The following TAFA2 variants were observed in gnomAD, a reference collection of about 807,000 sequenced individuals.
TAFA2 encodes TAFA chemokine like family member 2, also known as chemokine-like protein TAFA-2.
In TAFA2, 7 loss-of-function variants were observed where a neutral mutation model predicts 18.8. The ratio of observed to expected loss-of-function variants is 0.37; its 90% confidence interval spans 0.21 to 0.70. The LOEUF (loss-of-function observed/expected upper bound fraction) is 0.70, where lower values mean the gene tolerates loss of function less well. TAFA2 is among the 30% of genes least tolerant of loss of function. The probability of loss-of-function intolerance (pLI) is 0.53; values close to 1 mark genes in which losing one functional copy is unlikely to be tolerated. For missense variants in TAFA2, 122 were observed against 158.1 expected, an observed-to-expected ratio of 0.77 and a Z score of 1.23; for synonymous variants, 60 against 54.2, an observed-to-expected ratio of 1.11 and a Z score of -0.47.
At chr12:62,178,509 G>T (rs1249363148) in intron 1 of TAFA2, among the ~76,000 whole-genome samples, 1 of 152,184 alleles carries the variant, frequency 6.6e-6, no homozygotes, top group African/African-American at 2.4e-5. Context: ...AAACTCACAA[G>T]TTAGTCTACC....
intron 1 of TAFA2, among the ~76,000 whole-genome samples, chr12:61,918,320 C>T (rs80063690): frequency 0.068 from 10,411 of 152,174 alleles, 473 homozygotes; most frequent in Non-Finnish European, 0.1. Context: ...CCCCAACTAC[C>T]CTTCCCAGCC....
chr12:62,236,555 G>A (rs758670835), intron 1 of TAFA2, among the ~76,000 whole-genome samples: 3 of 152,104 alleles, frequency 2.0e-5, no homozygotes, highest in Admixed American at 6.5e-5. Flanking sequence ...GTGAGCCACC[G>A]CACCCAGCCC....
At chr12:62,171,002 G>A (rs1428039793) in intron 1 of TAFA2, among the ~76,000 whole-genome samples, 1 of 151,930 alleles carries the variant, frequency 6.6e-6, no homozygotes, top group African/African-American at 2.4e-5. Context: ...CCATAGTTTA[G>A]GACAAATAAG....
At chr12:62,017,947 C>T (rs1473334007) in intron 1 of TAFA2, among the ~76,000 whole-genome samples, 1 of 152,158 alleles carries the variant, frequency 6.6e-6, no homozygotes, top group Non-Finnish European at 1.5e-5. Flanking sequence ...GCTTCTTATT[C>T]ATCTCCCATG....
chr12:62,092,303 C>A (rs983493730), intron 1 of TAFA2, among the ~76,000 whole-genome samples: 1 of 151,830 alleles, frequency 6.6e-6, no homozygotes, highest in African/African-American at 2.4e-5. Flanking sequence ...CCCCCTGTAA[C>A]TTCATCTTCT....
intron 1 of TAFA2, among the ~76,000 whole-genome samples, chr12:62,179,246 T>C (rs1476327242): frequency 3.3e-5 from 5 of 152,314 alleles, no homozygotes; most frequent in East Asian, 1.9e-4. Flanking sequence ...TGAAGAATTA[T>C]GACACATTCC....
At chr12:61,903,996 T>A (rs1876231393) in intron 1 of TAFA2, among the ~76,000 whole-genome samples, 1 of 152,314 alleles carries the variant, frequency 6.6e-6, no homozygotes, top group Non-Finnish European at 1.5e-5. Flanking sequence ...AGATCTATCA[T>A]CTGAAATTAC....
intron 1 of TAFA2, among the ~76,000 whole-genome samples, chr12:62,210,697 C>T (rs2062709776): frequency 6.6e-6 from 1 of 152,018 alleles, no homozygotes. Context: ...TGAAAATGAG[C>T]AGCCAAATTT....
Position 61,708,548 on chromosome 12 carries a change from GAT to G in TAFA2, c.*1856_*1857del, listed in dbSNP as rs1869247355. 1 of 151,902 alleles carries G rather than the reference GAT, an allele frequency of 6.6e-6. No homozygotes were observed. The highest frequency in any genetic ancestry group is 6.6e-5 in the Admixed American group (1 of 15,230). The allele number at this position is 151,902 out of a possible 1,614,324, so 9.4% of individuals were successfully genotyped here. A position where few individuals can be genotyped will look rare whatever the true frequency, so the allele number is the denominator to read the frequency against. The stretch of plus-strand genomic sequence containing the variant: ...TTCACTTGGTTACAAAGAAATTAAT[GAT>G]ATTCTAATTGATGCAGAAACCCCAG... On this transcript the variant is annotated 3_prime_UTR_variant, in exon 5 of 5. Coordinates refer to ENST00000416284, the MANE Select transcript of TAFA2 (RefSeq NM_178539.5).
At chr12:61,812,369 C>G (rs77955128) in intron 2 of TAFA2, among the ~76,000 whole-genome samples, 7,198 of 151,350 alleles carry the variant, frequency 0.048, 872 homozygotes, top group African/African-American at 0.17. Flanking sequence ...CATGCCATTG[C>G]TCTGCTCCCA....
At chr12:61,992,376 C>T (rs149111883) in intron 1 of TAFA2, among the ~76,000 whole-genome samples, 2 of 152,264 alleles carry the variant, frequency 1.3e-5, no homozygotes, top group East Asian at 3.9e-4. Context: ...AATCCATAGG[C>T]TTATAGTAAA....
chr12:62,025,471 T>A (rs1448480898), intron 1 of TAFA2, among the ~76,000 whole-genome samples: 1 of 152,008 alleles, frequency 6.6e-6, no homozygotes, highest in Admixed American at 6.6e-5. Flanking sequence ...CGAGAAAAAA[T>A]TCTGATTTCT....
chr12:62,173,034 C>T (rs1212197368), intron 1 of TAFA2, among the ~76,000 whole-genome samples: 1 of 152,036 alleles, frequency 6.6e-6, no homozygotes, highest in Non-Finnish European at 1.5e-5. Flanking sequence ...TATTAAGGTT[C>T]CTAACTCAAG....
intron 1 of TAFA2, among the ~76,000 whole-genome samples, chr12:62,074,698 ATTTTT>A (rs67195424): frequency 7.3e-6 from 1 of 137,656 alleles, no homozygotes; most frequent in African/African-American, 2.8e-5. Flanking sequence ...AACTACATGA[ATTTTT>A]TTTTTTTTTT....
At chr12:62,111,440 G>A (rs1869725006) in intron 1 of TAFA2, among the ~76,000 whole-genome samples, 1 of 152,186 alleles carries the variant, frequency 6.6e-6, no homozygotes, top group Admixed American at 6.5e-5. Context: ...ATACAATGTG[G>A]TGCTGAGAAG....
intron 2 of TAFA2, among the ~76,000 whole-genome samples, chr12:61,802,964 A>AT (rs1336227997): frequency 5.9e-5 from 9 of 151,926 alleles, no homozygotes; most frequent in African/African-American, 2.2e-4. Flanking sequence ...AGAGAGCTCC[A>AT]TGGGTGCATT....
At chr12:61,824,932 T>C (rs1306144027) in intron 2 of TAFA2, among the ~76,000 whole-genome samples, 2 of 152,228 alleles carry the variant, frequency 1.3e-5, no homozygotes, top group East Asian at 1.9e-4. Context: ...CAGAAGAAAA[T>C]AAATGCAATG....
chr12:61,994,988 CT>C (rs936298463), intron 1 of TAFA2, among the ~76,000 whole-genome samples: 2 of 150,678 alleles, frequency 1.3e-5, no homozygotes, highest in Non-Finnish European at 3.0e-5. Flanking sequence ...CAACTGCCCC[CT>C]AACTGTCTGC....
chr12:62,223,007 G>T (rs1324333460), intron 1 of TAFA2, among the ~76,000 whole-genome samples: 2 of 151,794 alleles, frequency 1.3e-5, no homozygotes, highest in Non-Finnish European at 2.9e-5. Flanking sequence ...GATATTAAAG[G>T]ACAAAAAAGA....
Sources: allele counts gnomAD v4.1 joint callset (sites outside exome capture counted in the v4.1 genomes callset), GRCh38; gene constraint gnomAD v4.1.1; transcripts MANE v1.5; gene names NCBI Gene and HGNC (gene_info 2026-07-23, HGNC 2026-07-21).